Variants in LVRN observed in about 807,000 individuals in gnomAD.
The protein encoded by LVRN is laeverin.
A neutral mutation model predicts 111.4 loss-of-function variants in LVRN; 99 were observed. The ratio of observed to expected loss-of-function variants is 0.89; its 90% CI spans 0.76 to 1.05. The LOEUF (loss-of-function observed/expected upper bound fraction) is 1.05, where lower values mean the gene tolerates loss of function less well. LVRN is among the 50% of genes least tolerant of loss of function. The pLI is 0.00. For missense variants in LVRN, 1,414 were observed against 1,206.8 expected (o/e 1.17, Z -2.54); for synonymous variants, 488 against 449.5 (o/e 1.09, Z -1.08).
intron 10 of LVRN, among the ~76,000 whole-genome samples, chr5:116,001,662 G>A (rs1285087008): frequency 6.6e-6 from 1 of 152,154 alleles, no homozygotes; most frequent in African/African-American, 2.4e-5. Flanking sequence ...ATTTCCTTGA[G>A]GAATAGTTCT....
chr5:115,965,773 A>G (rs898593854), intron 1 of LVRN, among the ~76,000 whole-genome samples: 2 of 152,136 alleles, frequency 1.3e-5, no homozygotes, highest in Middle Eastern at 3.4e-3. Flanking sequence ...CTGCCCTGTG[A>G]AGAAAGTACC....
intron 12 of LVRN, among the ~76,000 whole-genome samples, chr5:116,003,840 C>T (rs1026161122): frequency 6.6e-6 from 1 of 152,140 alleles, no homozygotes; most frequent in African/African-American, 2.4e-5. Context: ...CTCGGCCTCT[C>T]AAAGTGCTGG....
intron 1 of LVRN, among the ~76,000 whole-genome samples, chr5:115,971,966 C>G (rs890233948): frequency 1.1e-4 from 17 of 151,806 alleles, no homozygotes; most frequent in African/African-American, 3.9e-4. Flanking sequence ...TGGTATATAT[C>G]TCTCTACTTA....
Position 115,962,969 on chromosome 5 carries a change from G to C in LVRN, c.352G>C (p.Asp118His), listed in dbSNP as rs1753116810. ...GGAGCTGTGGCCGCAGCTGAGGCCC[G>C]ACGAGCTTCCGGCCGGGTCTTTGCC... is the stretch of plus-strand genomic sequence containing the variant. Reference protein sequence around the residue: ...DLELWPQLRPDELPAGSLPFT... With the variant: ...DLELWPQLRPHELPAGSLPFT... The change falls in exon 1 of 20, where the codon GAC (aspartate) becomes CAC (histidine). Residue 118 changes from aspartate to histidine, a missense_variant. Asp to His is a moderately conservative substitution (Grantham distance 81, BLOSUM62 -1). Transcript: ENST00000357872. The C allele has an allele frequency of 6.2e-7, 1 of 1,613,192 alleles. No homozygotes were observed.
chr5:116,009,324 C>A (rs140603733), intron 13 of LVRN, among the ~76,000 whole-genome samples: 293 of 152,268 alleles, frequency 1.9e-3, no homozygotes, highest in African/African-American at 6.5e-3. Context: ...GTTACACAAG[C>A]ACTATGATGG....
At chr5:116,009,679 G>C (rs897227724) in intron 13 of LVRN, among the ~76,000 whole-genome samples, 2 of 152,194 alleles carry the variant, frequency 1.3e-5, no homozygotes, top group Non-Finnish European at 2.9e-5. Flanking sequence ...TTCAGATACA[G>C]TGGAAATAGT....
At chr5:116,025,493 C>A (rs931184682) in intron 19 of LVRN, among the ~76,000 whole-genome samples, 1 of 152,172 alleles carries the variant, frequency 6.6e-6, no homozygotes, top group African/African-American at 2.4e-5. Flanking sequence ...AATGCTTGGC[C>A]TGACCCAATG....
intron 1 of LVRN, chr5:115,976,322 G>A (rs1247045039): frequency 3.9e-5 from 6 of 152,180 alleles, no homozygotes; most frequent in Non-Finnish European, 5.9e-5. Flanking sequence ...CCAGCTCTGC[G>A]CTACCTGACC....
intron 13 of LVRN, among the ~76,000 whole-genome samples, chr5:116,006,393 T>G (rs1748375178): frequency 6.6e-6 from 1 of 152,214 alleles, no homozygotes; most frequent in Non-Finnish European, 1.5e-5. Context: ...TTTCTCTTTC[T>G]TTAGCCAGCC....
intron 12 of LVRN, among the ~76,000 whole-genome samples, chr5:116,003,647 T>C (rs1438079250): frequency 1.3e-5 from 2 of 151,040 alleles, no homozygotes; most frequent in East Asian, 2.0e-4. Flanking sequence ...AGTGACGCGA[T>C]CTCGGCTCAC....
intron 19 of LVRN, 125 bp downstream of exon 19, chr5:116,022,591 G>T: frequency 1.5e-6 from 1 of 667,572 alleles, no homozygotes; most frequent in Admixed American, 2.9e-5. Context: ...TTCTATTGGT[G>T]CTGTATCACT....
At chr5:115,985,272 G>A (rs1376538866) in intron 3 of LVRN, among the ~76,000 whole-genome samples, 1 of 152,160 alleles carries the variant, frequency 6.6e-6, no homozygotes, top group Non-Finnish European at 1.5e-5. Flanking sequence ...CTGAGAAACT[G>A]AGGAAGGAGG....
intron 12 of LVRN, among the ~76,000 whole-genome samples, chr5:116,005,289 T>C (rs1463482516): frequency 1.3e-5 from 2 of 152,358 alleles, no homozygotes; most frequent in Non-Finnish European, 2.9e-5. Context: ...AGGTATGATG[T>C]AGGAGGCCTT....
chr5:116,004,982 A>C (rs77247124), intron 12 of LVRN, among the ~76,000 whole-genome samples: 1,882 of 152,342 alleles, frequency 0.012, 88 homozygotes, highest in Admixed American at 0.075. Flanking sequence ...TTACATTTCT[A>C]AGGGCATTCT....
At chr5:115,993,487 A>G (rs1045962162) in intron 5 of LVRN, among the ~76,000 whole-genome samples, 1 of 152,216 alleles carries the variant, frequency 6.6e-6, no homozygotes, top group Non-Finnish European at 1.5e-5. Flanking sequence ...TTATGTTTAA[A>G]CATTGCAGTT....
Position 115,963,330 on chromosome 5 carries a change from C to A in LVRN, c.695+18C>A, listed in dbSNP as rs190754806. On this transcript the variant is annotated intron_variant, in intron 1 of 19. Transcript: ENST00000357872. ...GAGCGCAGGTAAGGGCTGTACAGCC[C>A]GGGGCCCCTCTCGGCCCCCGCCCCT... 6.5e-7 allele frequency: 1 copy of A among 1,549,872 alleles called. No homozygotes were observed. Among genetic ancestry groups the A allele is most frequent in the African/African-American group, 1.4e-5 (1 of 73,560 alleles).
chr5:116,005,536 C>T (rs1332593005), intron 12 of LVRN, among the ~76,000 whole-genome samples: 1 of 152,214 alleles, frequency 6.6e-6, no homozygotes, highest in African/African-American at 2.4e-5. Flanking sequence ...TTAAGGGCTT[C>T]TATGCCAAAA....
At chr5:115,981,738 C>T (rs1441078731) in intron 1 of LVRN, among the ~76,000 whole-genome samples, 1 of 152,136 alleles carries the variant, frequency 6.6e-6, no homozygotes, top group African/African-American at 2.4e-5. Flanking sequence ...AACCCTGGGA[C>T]TTTTAAAGAT....
At chr5:116,000,411 T>G in intron 7 of LVRN, 22 bp from the exon 8 acceptor site, 1 of 1,612,610 alleles carries the variant, frequency 6.2e-7, no homozygotes, top group Middle Eastern at 1.7e-4. Context: ...GTTCAAATAA[T>G]GGACAGCTTC....
Sources: allele counts gnomAD v4.1 joint callset (sites outside exome capture counted in the v4.1 genomes callset), GRCh38; gene constraint gnomAD v4.1.1; transcripts MANE v1.5; gene names NCBI Gene and HGNC (gene_info 2026-07-23, HGNC 2026-07-21).